Variants in NRXN3 observed in about 807,000 individuals in gnomAD.
NRXN3 encodes the protein neurexin 3.
NRXN3 carries 32 observed loss-of-function variants against 137.6 expected under a neutral mutation model. That is an observed-to-expected ratio of 0.23 (90% CI 0.18 to 0.31). The LOEUF (loss-of-function observed/expected upper bound fraction) is 0.31, where lower values mean the gene tolerates loss of function less well. Ranked by LOEUF, NRXN3 falls within the 10% of genes least tolerant of loss-of-function variation. The probability of loss-of-function intolerance (pLI) is 1.00; values close to 1 mark genes in which losing one functional copy is unlikely to be tolerated. For missense variants in NRXN3, 1,574 were observed against 2,062.5 expected, an observed-to-expected ratio of 0.76 and a Z score of 4.59; for synonymous variants, 798 against 784.5, an observed-to-expected ratio of 1.02 and a Z score of -0.29.
intron 4 of NRXN3, among the ~76,000 whole-genome samples, chr14:78,580,235 C>A (rs1338121975): frequency 6.6e-6 from 1 of 152,110 alleles, no homozygotes; most frequent in Non-Finnish European, 1.5e-5. Context: ...GACACCTTGA[C>A]AACTGCTGAA....
intron 20 of NRXN3, among the ~76,000 whole-genome samples, chr14:79,810,949 C>A (rs373177192): frequency 2.0e-5 from 3 of 152,078 alleles, no homozygotes; most frequent in African/African-American, 4.8e-5. Context: ...TATAGAGATA[C>A]GTTTTGTCAT....
rs565957700 is a variant in NRXN3 at position 79,646,943 on chromosome 14, T to C, written c.3445-16835T>C. ...TGAGTGTATCCAGGCCTATTTCATC[T>C]TTGTAGGAGGCAAAGGGAAAGAGAA... On this transcript the variant is annotated intron_variant, in intron 16 of 20. Transcript: ENST00000335750. Among the ~76,000 whole-genome samples, 34 of 134,342 alleles carry C rather than the reference T, an allele frequency of 2.5e-4. 5 individuals carry two copies. The South Asian group carries it at 7.8e-3, about 31-fold the overall frequency. The allele number at this position is 134,342 out of a possible 152,430, so 88.1% of individuals were successfully genotyped here.
At chr14:79,099,385 C>A (rs1238768434) in intron 15 of NRXN3, among the ~76,000 whole-genome samples, 1 of 152,020 alleles carries the variant, frequency 6.6e-6, no homozygotes, top group African/African-American at 2.4e-5. Flanking sequence ...GGTGGCCATA[C>A]AATTTATAAC....
At chr14:79,284,366 ATATATATATATATATATATG>A (rs1301144346) in intron 15 of NRXN3, among the ~76,000 whole-genome samples, 62 of 117,872 alleles carry the variant, frequency 5.3e-4, no homozygotes, top group South Asian at 3.0e-3. Context: ...ATATATATAT[ATATATATATATATATATATG>A]TATCTCCAAT....
intron 15 of NRXN3, among the ~76,000 whole-genome samples, chr14:79,462,894 G>GTATATGTACATACACATA (rs1567193422): frequency 1.4e-5 from 2 of 142,504 alleles, no homozygotes; most frequent in Non-Finnish European, 3.1e-5. Context: ...ACATATGTAT[G>GTATATGTACATACACATA]TATATGTATA....
intron 4 of NRXN3, among the ~76,000 whole-genome samples, chr14:78,531,300 G>A (rs2096458404): frequency 6.6e-6 from 1 of 152,184 alleles, no homozygotes; most frequent in African/African-American, 2.4e-5. Flanking sequence ...AAATGAGAGA[G>A]TGAAGTTTTC....
intron 6 of NRXN3, chr14:78,698,256 T>A (rs986042542): frequency 1.3e-5 from 2 of 152,120 alleles, no homozygotes; most frequent in Admixed American, 1.3e-4. Flanking sequence ...TGTGCTACTA[T>A]TGTTTCCAAC....
At chr14:78,613,626 G>A (rs1210500460) in intron 4 of NRXN3, among the ~76,000 whole-genome samples, 3 of 136,338 alleles carry the variant, frequency 2.2e-5, no homozygotes, top group Non-Finnish European at 4.6e-5. Flanking sequence ...AATAGAGCTA[G>A]CCAGAGGACT....
At chr14:79,125,107 A>T (rs1437363659) in intron 15 of NRXN3, among the ~76,000 whole-genome samples, 1 of 151,046 alleles carries the variant, frequency 6.6e-6, no homozygotes, top group Non-Finnish European at 1.5e-5. Context: ...ACGTACTTAA[A>T]CTATTACAAA....
chr14:79,538,247 G>A (rs1007153667), intron 16 of NRXN3, among the ~76,000 whole-genome samples: 1 of 152,112 alleles, frequency 6.6e-6, no homozygotes, highest in South Asian at 2.1e-4. Context: ...TAGGTTGCTT[G>A]TTCACTCTGA....
intron 4 of NRXN3, among the ~76,000 whole-genome samples, chr14:78,589,074 T>G (rs1180764295): frequency 6.6e-6 from 1 of 152,200 alleles, no homozygotes; most frequent in African/African-American, 2.4e-5. Flanking sequence ...TGCCAAGTGT[T>G]TAGACAACAT....
intron 1 of NRXN3, among the ~76,000 whole-genome samples, chr14:78,226,352 C>T (rs1000158168): frequency 3.3e-5 from 5 of 152,184 alleles, no homozygotes; most frequent in Admixed American, 6.5e-5. Context: ...AATAAGGGCG[C>T]GTTGTGTTGA....
intron 6 of NRXN3, among the ~76,000 whole-genome samples, chr14:78,708,186 G>A (rs779146344): frequency 3.9e-5 from 6 of 152,036 alleles, no homozygotes; most frequent in East Asian, 1.9e-4. Flanking sequence ...CCATCCTCAC[G>A]TTCTCCACCT....
At chr14:78,778,801 TTTCTTTCTTTCTTTCTTTCTTTTCC>T (rs2098757435) in intron 8 of NRXN3, among the ~76,000 whole-genome samples, 1 of 135,342 alleles carries the variant, frequency 7.4e-6, no homozygotes, top group Non-Finnish European at 1.6e-5. Flanking sequence ...TCTTTCTTTC[TTTCTTTCTTTCTTTCTTTCTTTTCC>T]TTCTTTCTTT....
intron 15 of NRXN3, among the ~76,000 whole-genome samples, chr14:79,340,529 G>A (rs568966811): frequency 2.0e-5 from 3 of 152,224 alleles, no homozygotes; most frequent in South Asian, 2.1e-4. Flanking sequence ...GCAATGGTGC[G>A]ATATCAGCTC....
chr14:79,365,435 A>G (rs189751258), intron 15 of NRXN3, among the ~76,000 whole-genome samples: 31 of 152,148 alleles, frequency 2.0e-4, no homozygotes, highest in Non-Finnish European at 4.3e-4. Flanking sequence ...GAAGAGTTTT[A>G]TTGGCCGGGC....
At chr14:78,984,343 CTAT>C (rs1236636621) in intron 14 of NRXN3, among the ~76,000 whole-genome samples, 2 of 152,134 alleles carry the variant, frequency 1.3e-5, no homozygotes, top group Non-Finnish European at 2.9e-5. Context: ...ATATAAACAA[CTAT>C]TATCTTTCAA....
intron 4 of NRXN3, among the ~76,000 whole-genome samples, chr14:78,388,402 G>A (rs2090290490): frequency 6.6e-6 from 1 of 152,124 alleles, no homozygotes; most frequent in Non-Finnish European, 1.5e-5. Context: ...AGGAAATTTT[G>A]AGGGAAAGAA....
intron 15 of NRXN3, among the ~76,000 whole-genome samples, chr14:79,436,940 C>T (rs181229048): frequency 3.9e-5 from 6 of 152,204 alleles, no homozygotes; most frequent in Admixed American, 3.3e-4. Flanking sequence ...ACCTTGTCCA[C>T]GCTGCACACA....
Sources: gnomAD v4.1 joint callset for allele counts (sites outside exome capture counted in the v4.1 genomes callset) on GRCh38, gnomAD v4.1.1 for gene constraint, MANE v1.5 for transcripts, NCBI Gene and HGNC (gene_info 2026-07-23, HGNC 2026-07-21) for gene names.